ARHGAP6: variants seen among roughly 807,000 people sequenced by gnomAD.
The protein encoded by ARHGAP6 is Rho GTPase activating protein 6, also known as rho GTPase-activating protein 6.
In ARHGAP6, 16 loss-of-function variants were observed where a neutral mutation model predicts 55.7. The ratio of observed to expected loss-of-function variants is 0.29; its 90% CI spans 0.19 to 0.44. ARHGAP6 has a LOEUF of 0.44. Ranked by LOEUF, ARHGAP6 falls within the 20% of genes least tolerant of loss-of-function variation. The pLI, the probability that ARHGAP6 is intolerant of heterozygous loss-of-function variation, is 1.00. For missense variants in ARHGAP6, 698 were observed against 808.9 expected (o/e 0.86, Z 1.66); for synonymous variants, 382 against 360.9 (o/e 1.06, Z -0.66).
At chrX:11,254,739 T>G (rs749920245) in intron 1 of ARHGAP6, 32 bp from the exon 2 acceptor site, 5 of 708,747 alleles carry the variant, frequency 7.1e-6, no homozygotes, top group Non-Finnish European at 1.0e-5. Context: ...AAAAAAAAAA[T>G]CAAGAGTTAC....
chrX:11,499,438 A>C (rs764016023), intron 1 of ARHGAP6, among the ~76,000 whole-genome samples: 9 of 111,389 alleles, frequency 8.1e-5, no homozygotes, highest in Non-Finnish European at 1.7e-4. Context: ...TTTTTCTATT[A>C]ATTTGTTTAT....
intron 4 of ARHGAP6, among the ~76,000 whole-genome samples, chrX:11,188,105 G>T (rs758528250): frequency 8.9e-6 from 1 of 111,942 alleles, no homozygotes; most frequent in South Asian, 3.8e-4. Context: ...TGACCTGGAA[G>T]CTTTAGAGAT....
chrX:11,404,266 A>G (rs764808265), intron 1 of ARHGAP6, among the ~76,000 whole-genome samples: 12 of 111,045 alleles, frequency 1.1e-4, no homozygotes, highest in Non-Finnish European at 2.1e-4. Flanking sequence ...AGAACCTATG[A>G]GAGTAGCAGG....
chrX:11,593,239 T>C (rs1365743622), intron 1 of ARHGAP6, among the ~76,000 whole-genome samples: 1 of 112,004 alleles, frequency 8.9e-6, no homozygotes, highest in Admixed American at 9.5e-5. Context: ...CCTGTTCTTG[T>C]GATTATTCCA....
At chrX:11,508,880 C>T (rs2050758744) in intron 1 of ARHGAP6, among the ~76,000 whole-genome samples, 1 of 110,252 alleles carries the variant, frequency 9.1e-6, no homozygotes, top group South Asian at 3.9e-4. Context: ...CACACACACA[C>T]ATATCACGCA....
At chrX:11,196,592 T>G (rs1013688158) in intron 3 of ARHGAP6, among the ~76,000 whole-genome samples, 5 of 111,562 alleles carry the variant, frequency 4.5e-5, no homozygotes, top group Non-Finnish European at 7.5e-5. Flanking sequence ...CCTGTCTGGA[T>G]TTGCCAGACA....
At chrX:11,342,217 A>G (rs890602960) in intron 1 of ARHGAP6, among the ~76,000 whole-genome samples, 3 of 111,981 alleles carry the variant, frequency 2.7e-5, no homozygotes, top group African/African-American at 9.7e-5. Flanking sequence ...AGATTTTCTT[A>G]GCAGCTTAAG....
chrX:11,458,554 G>C (rs1037346458), intron 1 of ARHGAP6, among the ~76,000 whole-genome samples: 12 of 112,489 alleles, frequency 1.1e-4, no homozygotes, highest in African/African-American at 3.5e-4. Flanking sequence ...TGTGTATATT[G>C]TGACAAGCTA....
chrX:11,472,114 C>T (rs1344398443), intron 1 of ARHGAP6, among the ~76,000 whole-genome samples: 1 of 111,317 alleles, frequency 9.0e-6, no homozygotes, highest in African/African-American at 3.3e-5. Flanking sequence ...GGTTTCTCCA[C>T]CTTGGCACTA....
intron 1 of ARHGAP6, among the ~76,000 whole-genome samples, chrX:11,354,074 G>A (rs987201006): frequency 1.8e-5 from 2 of 109,996 alleles, no homozygotes; most frequent in Non-Finnish European, 3.8e-5. Flanking sequence ...TAGTGACATG[G>A]TAGTACAGCA....
chrX:11,319,138 ATATC>A (rs1440045298), intron 1 of ARHGAP6, among the ~76,000 whole-genome samples: 1 of 111,892 alleles, frequency 8.9e-6, no homozygotes, highest in Non-Finnish European at 1.9e-5. Context: ...TTCTATATCT[ATATC>A]TATATCTATA....
chrX:11,431,182 A>G (rs2049937388), intron 1 of ARHGAP6, among the ~76,000 whole-genome samples: 1 of 112,014 alleles, frequency 8.9e-6, no homozygotes, highest in Non-Finnish European at 1.9e-5. Flanking sequence ...TAATAAATTT[A>G]TCTGATGTTT....
chrX:11,539,149 G>A (rs1013048066), intron 1 of ARHGAP6, among the ~76,000 whole-genome samples: 1 of 111,529 alleles, frequency 9.0e-6, no homozygotes, highest in African/African-American at 3.3e-5. Flanking sequence ...GAGCCACTGT[G>A]CCTGGCCCAC....
intron 1 of ARHGAP6, among the ~76,000 whole-genome samples, chrX:11,359,691 C>A (rs1297336601): frequency 9.0e-6 from 1 of 111,544 alleles, no homozygotes; most frequent in Non-Finnish European, 1.9e-5. Flanking sequence ...CACAAAAAAC[C>A]CTTCAAAAAA....
chrX:11,358,431 A>ATCTATCTTTCTTTCTT (rs1421816647), intron 1 of ARHGAP6, among the ~76,000 whole-genome samples: 2 of 72,503 alleles, frequency 2.8e-5, no homozygotes, highest in African/African-American at 5.2e-5. Flanking sequence ...TTTTAACTGT[A>ATCTATCTTTCTTTCTT]TCTTTCTTTC....
chrX:11,461,830 C>T (rs974613273), intron 1 of ARHGAP6, among the ~76,000 whole-genome samples: 2 of 111,749 alleles, frequency 1.8e-5, no homozygotes, highest in African/African-American at 3.3e-5. Flanking sequence ...CTCTTCCCCA[C>T]TGCAGCCTCT....
intron 2 of ARHGAP6, among the ~76,000 whole-genome samples, chrX:11,243,361 G>A (rs1343564880): frequency 2.7e-5 from 3 of 111,781 alleles, no homozygotes; most frequent in African/African-American, 6.5e-5. Flanking sequence ...CAATCCCAGT[G>A]ATTTATTTCT....
intron 1 of ARHGAP6, among the ~76,000 whole-genome samples, chrX:11,479,767 C>T (rs1227189129): frequency 5.4e-5 from 6 of 111,841 alleles, no homozygotes; most frequent in African/African-American, 2.0e-4. Flanking sequence ...GAACCTTGGC[C>T]CCACTGCTCT....
At chrX:11,414,473 G>C (rs978465043) in intron 1 of ARHGAP6, among the ~76,000 whole-genome samples, 1 of 109,451 alleles carries the variant, frequency 9.1e-6, no homozygotes, top group East Asian at 2.8e-4. Context: ...GTCATAGTTT[G>C]TTGACCCCTG....
Sources: gnomAD v4.1 joint callset for allele counts (sites outside exome capture counted in the v4.1 genomes callset) on GRCh38, gnomAD v4.1.1 for gene constraint, MANE v1.5 for transcripts, NCBI Gene and HGNC (gene_info 2026-07-23, HGNC 2026-07-21) for gene names.